The following RRP12 variants were observed in gnomAD, a reference collection of about 807,000 sequenced individuals.
The protein encoded by RRP12 is RRP12-like protein.
A neutral mutation model predicts 157.3 loss-of-function variants in RRP12; 78 were observed. The observed-to-expected ratio is 0.50, with a 90% CI of 0.41 to 0.60. The LOEUF is 0.60. RRP12 is among the 20% of genes least tolerant of loss of function. The probability of loss-of-function intolerance (pLI) is 0.00; values close to 1 mark genes in which losing one functional copy is unlikely to be tolerated. For synonymous variants in RRP12, 726 were observed against 670.9 expected (o/e 1.08, Z -1.27); for missense variants, 1,521 against 1,679.9 (o/e 0.91, Z 1.65).
intron 15 of RRP12, among the ~76,000 whole-genome samples, chr10:97,376,464 C>T (rs1208079594): frequency 2.6e-5 from 4 of 152,064 alleles, no homozygotes; most frequent in African/African-American, 9.7e-5. Flanking sequence ...CTGCCCGCTT[C>T]AGCCTCCCAA....
At chr10:97,395,591 C>T (rs1844938360) in intron 3 of RRP12, among the ~76,000 whole-genome samples, 1 of 151,508 alleles carries the variant, frequency 6.6e-6, no homozygotes, top group African/African-American at 2.4e-5. Flanking sequence ...TGGCTCAGGC[C>T]TATAATCCCA....
At position 97,367,130 on chromosome 10, in the gene RRP12, C is replaced by A. The variant is rs764578117; in HGVS notation, c.2958G>T (p.Met986Ile). 6.2e-7 allele frequency: 1 copy of A among 1,613,970 alleles called. No homozygotes were observed. The highest frequency in any genetic ancestry group is 1.1e-5 in the South Asian group (1 of 91,086). ...AHLAKHVQLV[M>I]EAIGKLSDDM... ...CATCTGAAAGCTTCCCAATGGCTTC[C>A]ATCTGCCGGACAGAGCACCAGGCTT... The change falls in exon 26 of 34, where the codon ATG becomes ATT. Residue 986 changes from methionine to isoleucine, a missense_variant and splice_region_variant. Transcript: ENST00000370992.
intron 15 of RRP12, among the ~76,000 whole-genome samples, chr10:97,375,384 G>A (rs1472801338): frequency 2.0e-5 from 3 of 152,056 alleles, no homozygotes; most frequent in Admixed American, 6.6e-5. Context: ...GATTACAGGC[G>A]TAAGCTGCTG....
chr10:97,392,643 C>G (rs1844840875), intron 4 of RRP12, among the ~76,000 whole-genome samples: 1 of 151,776 alleles, frequency 6.6e-6, no homozygotes, highest in African/African-American at 2.4e-5. Context: ...GCCACTGCGT[C>G]CAGCCATGAC....
chr10:97,372,929 T>C (rs897174961), intron 18 of RRP12, 117 bp downstream of exon 18: 1 of 1,436,102 alleles, frequency 7.0e-7, no homozygotes, highest in Non-Finnish European at 9.6e-7. Context: ...TGACTGCTGG[T>C]ATGTGCTCCA....
intron 4 of RRP12, chr10:97,393,400 T>C (rs1434219960): frequency 1.9e-5 from 11 of 586,248 alleles, no homozygotes; most frequent in Non-Finnish European, 3.5e-5. Context: ...AATGTCTGCC[T>C]GGACACACAC....
At chr10:97,383,587 A>G (rs1430330149) in intron 10 of RRP12, among the ~76,000 whole-genome samples, 1 of 152,250 alleles carries the variant, frequency 6.6e-6, no homozygotes, top group Non-Finnish European at 1.5e-5. Context: ...GCCTCCCTCC[A>G]TGCAGGTCAC....
Position 97,358,962 on chromosome 10 carries a change from C to G in RRP12, c.3689G>C (p.Gly1230Ala), listed in dbSNP as rs537772193. 1.4e-5 allele frequency: 22 copies of G among 1,613,878 alleles called. No individual in the cohort carries two copies. The highest frequency in any genetic ancestry group is 2.7e-5 in the African/African-American group (2 of 75,058). The change falls in exon 32 of 34, where the codon GGG (glycine) becomes GCG (alanine). Residue 1230 changes from glycine to alanine, a missense_variant. By Grantham distance (60) the Gly-to-Ala change is moderately conservative. Coordinates refer to ENST00000370992, the MANE Select transcript of RRP12 (RefSeq NM_015179.4). ...HRPVAKKAMP[G>A]AEYKAKKAKG... Reference sequence around the variant, plus strand: ...ACTTACCTTGGCCTTGTATTCAGCCCCAGGCATAGCCTTCTTGGCCACAGG... The same window carrying G: ...ACTTACCTTGGCCTTGTATTCAGCCGCAGGCATAGCCTTCTTGGCCACAGG...
At chr10:97,392,331 G>GT (rs1300586415) in intron 4 of RRP12, among the ~76,000 whole-genome samples, 1 of 151,618 alleles carries the variant, frequency 6.6e-6, no homozygotes, top group Admixed American at 6.6e-5. Context: ...AAGAATCAAG[G>GT]TTTTTTATTT....
intron 25 of RRP12, 32 bp downstream of exon 25, chr10:97,369,393 T>C (rs1304352683): frequency 1.2e-6 from 2 of 1,605,540 alleles, no homozygotes; most frequent in Admixed American, 3.4e-5. Flanking sequence ...GAGGCCACCC[T>C]GCTACCTGCT....
chr10:97,401,153 T>G lies in RRP12; in HGVS notation c.79A>C (p.Asn27His). ...RWKKGHSSDS[N>H]PAICRHRQAA... is the part of the protein sequence containing the mutation. ...TGACGGTGGCGGCAGATGGCGGGGT[T>G]GCTGTCGCTGCTGTGGCCTTTCTTC... The change falls in exon 1 of 34, where the codon AAC becomes CAC. Residue 27 changes from asparagine (N) to histidine (H), a missense_variant. By Grantham distance (68) the Asn-to-His change is moderately conservative. Transcript: ENST00000370992. 6.2e-7 allele frequency: 1 copy of G among 1,614,112 alleles called. No homozygotes were observed. Among genetic ancestry groups the G allele is most frequent in the Non-Finnish European group, 8.5e-7 (1 of 1,180,006 alleles).
rs145302632 is a variant in RRP12, at chr10:97,370,527, C to T, written c.2617G>A (p.Ala873Thr). ...AGCAGTGCAAAAGCGTTCTTCCGTG[C>T]GCCCACCGACACCTCCTTGGTGCAC... ...ILCTKEVSVG[A>T]RKNAFALLVE... Residue 873 changes from alanine (A) to threonine (T), a missense_variant, in exon 23 of 34, where the codon GCA (alanine) becomes ACA (threonine). Ala to Thr is a moderately conservative substitution (Grantham distance 58). Transcript: ENST00000370992. 49 of 1,611,074 alleles carry T rather than the reference C, an allele frequency of 3.0e-5. No homozygotes were observed. In the Admixed American group the frequency reaches 4.2e-4, roughly 14 times the overall value.
intron 15 of RRP12, among the ~76,000 whole-genome samples, chr10:97,378,757 T>C (rs1233985248): frequency 6.6e-6 from 1 of 152,074 alleles, no homozygotes; most frequent in East Asian, 1.9e-4. Context: ...CTCGGGAGGC[T>C]GAGGCAGGAG....
chr10:97,374,645 A>G (rs1215203206), intron 15 of RRP12, among the ~76,000 whole-genome samples: 1 of 151,752 alleles, frequency 6.6e-6, no homozygotes, highest in African/African-American at 2.4e-5. Context: ...GGTGGCAGGC[A>G]CCTGTAGTCC....
At chr10:97,386,774 A>G (rs1340979921) in intron 8 of RRP12, among the ~76,000 whole-genome samples, 1 of 152,196 alleles carries the variant, frequency 6.6e-6, no homozygotes, top group Non-Finnish European at 1.5e-5. Context: ...GTGGATCACG[A>G]GGCCAGGAGA....
chr10:97,372,646 T>C, intron 19 of RRP12, 90 bp downstream of exon 19: 2 of 1,032,446 alleles, frequency 1.9e-6, no homozygotes, highest in South Asian at 1.4e-5. Context: ...CCTTAAATAA[T>C]GCAAGAGGGA....
At chr10:97,385,859 G>T (rs75905387) in intron 9 of RRP12, 36 bp downstream of exon 9, 2 of 1,463,042 alleles carry the variant, frequency 1.4e-6, no homozygotes, top group South Asian at 2.4e-5. Flanking sequence ...CACCACCCCC[G>T]ACCTAATGCC....
chr10:97,360,559 G>A lies in RRP12; in HGVS notation c.3627C>T (p.Pro1209=). The change falls in exon 31 of 34, where the codon CCC becomes CCT. Residue 1209 remains proline, a synonymous_variant. Coordinates refer to ENST00000370992, the MANE Select transcript of RRP12 (RefSeq NM_015179.4). ...TGGAAGCCTCACCTTGGTACTGAGG[G>A]GGTATCTCCAGCTCCTCCTCCTCAG... The part of the protein sequence containing the change: ...KEAEEEELEI[P]PQYQAGGSGI... 1 of 1,613,268 alleles carries A rather than the reference G, an allele frequency of 6.2e-7. No individual in the cohort carries two copies. Among genetic ancestry groups the A allele is most frequent in the Non-Finnish European group, 8.5e-7 (1 of 1,179,258 alleles).
intron 18 of RRP12, 71 bp from the exon 19 acceptor site, chr10:97,372,874 G>A: frequency 6.8e-7 from 1 of 1,481,242 alleles, no homozygotes; most frequent in Non-Finnish European, 9.2e-7. Context: ...AATGGCAGCA[G>A]TCCCAGAGCG....
Sources: gnomAD v4.1 joint callset for allele counts (sites outside exome capture counted in the v4.1 genomes callset) on GRCh38, gnomAD v4.1.1 for gene constraint, MANE v1.5 for transcripts, NCBI Gene and HGNC (gene_info 2026-07-23, HGNC 2026-07-21) for gene names.